SH3GL1: variants seen among roughly 807,000 people sequenced by gnomAD.
SH3GL1 encodes the protein endophilin-A2.
SH3GL1 carries 21 observed loss-of-function variants against 48.8 expected under a neutral mutation model. That is an observed-to-expected ratio of 0.43 (90% CI 0.30 to 0.62). The LOEUF is 0.62. Ranked by LOEUF, SH3GL1 falls within the 20% of genes least tolerant of loss-of-function variation. The probability of loss-of-function intolerance (pLI) is 0.11; values close to 1 mark genes in which losing one functional copy is unlikely to be tolerated. For synonymous variants in SH3GL1, 282 were observed against 217.5 expected (o/e 1.30, Z -2.61); for missense variants, 454 against 503.0 (o/e 0.90, Z 0.93).
intron 1 of SH3GL1, among the ~76,000 whole-genome samples, chr19:4,381,387 G>C (rs1470100190): frequency 1.2e-5 from 1 of 84,450 alleles, no homozygotes; most frequent in Non-Finnish European, 2.2e-5. Flanking sequence ...TGTCCCCTCT[G>C]CCTCTCTCTG....
At chr19:4,383,268 G>A (rs1973171932) in intron 1 of SH3GL1, among the ~76,000 whole-genome samples, 1 of 150,618 alleles carries the variant, frequency 6.6e-6, no homozygotes, top group African/African-American at 2.4e-5. Context: ...AGGCTAGAGT[G>A]CAGTGGCGTG....
intron 1 of SH3GL1, among the ~76,000 whole-genome samples, chr19:4,380,677 T>C (rs1289763318): frequency 6.6e-6 from 1 of 152,202 alleles, no homozygotes; most frequent in Non-Finnish European, 1.5e-5. Flanking sequence ...CATGATCTGC[T>C]CTGGTGTTTC....
Position 4,361,244 on chromosome 19 carries a change from G to A in SH3GL1, c.*356C>T, listed in dbSNP as rs945883411. ...GGGCCCCCGTCGGGTCAGGACGGAG[G>A]TGGGGGCTGCCCCAGAGGAACATTA... On this transcript the variant is annotated 3_prime_UTR_variant, in exon 10 of 10. Transcript: ENST00000269886. 1.1e-5 allele frequency: 4 copies of A among 354,694 alleles called. No individual in the cohort carries two copies. Among genetic ancestry groups the A allele is most frequent in the African/African-American group, 6.2e-5 (3 of 48,138 alleles). The allele number at this position is 354,694 out of a possible 1,614,324, so 22.0% of individuals were successfully genotyped here. A position where few individuals can be genotyped will look rare whatever the true frequency, so the allele number is the denominator to read the frequency against.
chr19:4,364,784 C>A, intron 4 of SH3GL1: 1 of 161,610 alleles, frequency 6.2e-6, no homozygotes, highest in Non-Finnish European at 1.4e-5. Flanking sequence ...CTGCAACCTC[C>A]ACCTCCTGGG....
At position 4,381,165 on chromosome 19, in the gene SH3GL1, CCTGA is replaced by C. The variant is rs1238623638; in HGVS notation, c.46-14175_46-14172del. Among the ~76,000 whole-genome samples the C allele has an allele frequency of 3.7e-5, 5 of 134,680 alleles. 1 individual carries two copies. Among genetic ancestry groups the C allele is most frequent in the Non-Finnish European group, 8.0e-5 (5 of 62,708 alleles). 88.4% of individuals were successfully genotyped at this position (134,680 alleles called of 152,430 possible). ...TCTCTGTTCCCCTGCCTCTGTCTCC[CCTGA>C]CTCTCTCTGTCCCCCTGCCTCTCTC... is the stretch of plus-strand genomic sequence containing the variant. On this transcript the variant is annotated intron_variant, in intron 1 of 9. Coordinates refer to ENST00000269886, the MANE Select transcript of SH3GL1 (RefSeq NM_003025.4).
In SH3GL1 at chr19:4,367,790, G is replaced by A. The variant is rs1050260645; in HGVS notation, c.46-796C>T. On this transcript the variant is annotated intron_variant, in intron 1 of 9. Transcript: ENST00000269886. The surrounding 1 kb of genome is among the most constrained non-coding windows in gnomAD (Gnocchi z 4.2). ...CCTGAAATGTCCCATGGAACATGGC[G>A]GGAACCACTGAACCCCAGCACCGCT... 1.3e-4 allele frequency among the ~76,000 whole-genome samples: 20 copies of A among 152,242 alleles called. No homozygotes were observed. Among genetic ancestry groups the A allele is most frequent in the Admixed American group, 3.3e-4 (5 of 15,282 alleles).
intron 9 of SH3GL1, 152 bp downstream of exon 9, chr19:4,362,177 C>G (rs1169295693): frequency 2.4e-6 from 2 of 831,462 alleles, no homozygotes; most frequent in East Asian, 2.7e-5. Flanking sequence ...GGGGTGGCAT[C>G]TTGCAGGCTG....
At chr19:4,363,659 C>G in intron 6 of SH3GL1, 61 bp downstream of exon 6, 1 of 1,599,596 alleles carries the variant, frequency 6.3e-7, no homozygotes, top group Non-Finnish European at 8.5e-7. Flanking sequence ...TCCCTTGAGG[C>G]ACCACCCCGG....
At position 4,367,665 on chromosome 19, in the gene SH3GL1, A is replaced by G. The variant is rs1198660730; in HGVS notation, c.46-671T>C. On this transcript the variant is annotated intron_variant, in intron 1 of 9. Transcript: ENST00000269886. The surrounding 1 kb of genome is among the most constrained non-coding windows in gnomAD (Gnocchi z 4.2). ...CTACGGTGAAAGCGATGACAATGAC[A>G]GGCACTTACAGCGTCTTTCCTCGTG... Among the ~76,000 whole-genome samples the G allele has an allele frequency of 6.6e-6, 1 of 152,194 alleles. No individual in the cohort carries two copies. Among genetic ancestry groups the G allele is most frequent in the Admixed American group, 6.5e-5 (1 of 15,280 alleles).
intron 7 of SH3GL1, 56 bp from the exon 8 acceptor site, chr19:4,362,792 A>G (rs1465708352): frequency 6.2e-7 from 1 of 1,609,984 alleles, no homozygotes; most frequent in Non-Finnish European, 8.5e-7. Context: ...AGGCAGCCCC[A>G]CTCTTGTATT....
At position 4,362,695 on chromosome 19, in the gene SH3GL1, G is replaced by C. The variant is rs781408393; in HGVS notation, c.770C>G (p.Pro257Arg). The change falls in exon 8 of 10, where the codon CCC becomes CGC. Residue 257 changes from proline (P) to arginine (R), a missense_variant. Pro to Arg is a moderately radical substitution (Grantham distance 103). Around this residue, in one of 2 missense-constraint regions of SH3GL1, gnomAD observed 278 missense variants for 246.8 expected, o/e 1.13. Transcript: ENST00000269886. ...AAGGTCAAAGGGCTCCCGGGGCTTG[G>C]GCTTATACTCCCGCTTAGGGCGTGA... ...ASSRPKREYK[P>R]KPREPFDLGE... 31 of 1,613,948 alleles carry C rather than the reference G, an allele frequency of 1.9e-5. No individual in the cohort carries two copies. Among genetic ancestry groups the C allele is most frequent in the Non-Finnish European group, 2.6e-5 (31 of 1,180,030 alleles).
intron 4 of SH3GL1, 57 bp from the exon 5 acceptor site, chr19:4,364,278 A>G: frequency 6.2e-7 from 1 of 1,602,934 alleles, no homozygotes. Flanking sequence ...CTAGACTGAG[A>G]CACTCCTCAG....
chr19:4,360,570 T>TG lies in SH3GL1; in HGVS notation c.*1029dup, dbSNP rs1972578729. 4.3e-6 allele frequency: 1 copy of TG among 233,346 alleles called. No homozygotes were observed. Among genetic ancestry groups the TG allele is most frequent in the Non-Finnish European group, 8.5e-6 (1 of 118,164 alleles). The allele number at this position is 233,346 out of a possible 1,614,324, so 14.5% of individuals were successfully genotyped here. ...GGGGGAGGGGAATGTGAATGTGGCC[T>TG]GGCCCAGAGAACTCCCCATTTCATC... On this transcript the variant is annotated 3_prime_UTR_variant, in exon 10 of 10. Coordinates refer to ENST00000269886, the MANE Select transcript of SH3GL1 (RefSeq NM_003025.4).
intron 1 of SH3GL1, among the ~76,000 whole-genome samples, chr19:4,380,954 T>C (rs1019152974): frequency 4.6e-5 from 7 of 152,084 alleles, no homozygotes; most frequent in Non-Finnish European, 1.0e-4. Context: ...CATGGCAAAG[T>C]GAACCGGTCC....
intron 1 of SH3GL1, among the ~76,000 whole-genome samples, chr19:4,380,532 A>G (rs1024042176): frequency 4.6e-5 from 7 of 152,090 alleles, no homozygotes; most frequent in Non-Finnish European, 8.8e-5. Context: ...GCCCAGGACA[A>G]GGTTTGGAAG....
Position 4,361,525 on chromosome 19 carries a change from T to C in SH3GL1, c.*75A>G. 8.4e-7 allele frequency: 1 copy of C among 1,183,898 alleles called. No homozygotes were observed. The highest frequency in any genetic ancestry group is 1.4e-5 in the South Asian group (1 of 71,400). The allele number at this position is 1,183,898 out of a possible 1,614,324, so 73.3% of individuals were successfully genotyped here. On this transcript the variant is annotated 3_prime_UTR_variant, in exon 10 of 10. Transcript: ENST00000269886. Reference sequence around the variant, plus strand: ...CAGACACCGCCCTGGCAGCAGGGGCTCCGTGGAATGCAGGAGACCCAGCAG... The same window carrying C: ...CAGACACCGCCCTGGCAGCAGGGGCCCCGTGGAATGCAGGAGACCCAGCAG...
At chr19:4,364,660 A>G (rs1599591815) in intron 4 of SH3GL1, 2 of 165,260 alleles carry the variant, frequency 1.2e-5, no homozygotes, top group Non-Finnish European at 2.6e-5. Context: ...CGAACTCCTG[A>G]CCTTGTGATC....
intron 1 of SH3GL1, chr19:4,390,001 CAG>C (rs1486998503): frequency 6.6e-6 from 1 of 152,364 alleles, no homozygotes; most frequent in East Asian, 1.9e-4. Flanking sequence ...ACCGCCCCTA[CAG>C]ACTGTGTCAC....
At chr19:4,397,131 C>T (rs962295629) in intron 1 of SH3GL1, among the ~76,000 whole-genome samples, 1 of 152,122 alleles carries the variant, frequency 6.6e-6, no homozygotes, top group African/African-American at 2.4e-5. Context: ...CACAAATAGT[C>T]GGATACGTCC....
Sources: allele counts gnomAD v4.1 joint callset (sites outside exome capture counted in the v4.1 genomes callset), GRCh38; gene constraint gnomAD v4.1.1; regional missense constraint gnomAD v4.1.1; non-coding constraint Gnocchi (gnomAD v3.1); transcripts MANE v1.5; gene names NCBI Gene and HGNC (gene_info 2026-07-23, HGNC 2026-07-21).